Variants in TTL observed in about 807,000 individuals in gnomAD.
TTL encodes tubulin--tyrosine ligase.
In TTL, 10 loss-of-function variants were observed where a neutral mutation model predicts 41.1. The observed-to-expected ratio is 0.24, with a 90% CI of 0.15 to 0.41. The LOEUF is 0.41. Ranked by LOEUF, TTL falls within the 10% of genes least tolerant of loss-of-function variation. The pLI, the probability that TTL is intolerant of heterozygous loss-of-function variation, is 1.00. For synonymous variants in TTL, 175 were observed against 175.5 expected (o/e 1.00, Z 0.02); for missense variants, 367 against 460.4 (o/e 0.80, Z 1.86).
chr2:112,488,594 C>T (rs1268721199), intron 2 of TTL, among the ~76,000 whole-genome samples: 1 of 151,350 alleles, frequency 6.6e-6, no homozygotes. Flanking sequence ...CCCATGTCTA[C>T]TAAAAATACA....
At position 112,503,008 on chromosome 2, in the gene TTL, A is replaced by C; in HGVS notation, c.702A>C (p.Gln234His). The C allele has an allele frequency of 6.2e-7, 1 of 1,614,108 alleles. No homozygotes were observed. The highest frequency in any genetic ancestry group is 2.2e-5 in the East Asian group (1 of 44,872). The change falls in exon 5 of 7, where the codon CAA (glutamine) becomes CAC (histidine). Residue 234 changes from glutamine (Q) to histidine (H), a missense_variant. By Grantham distance (24) the Gln-to-His change is conservative. Coordinates refer to ENST00000233336, the MANE Select transcript of TTL (RefSeq NM_153712.5). Reference protein sequence around the residue: ...ASEPYHVDNFQDKTCHLTNHC... With the variant: ...ASEPYHVDNFHDKTCHLTNHC... ...AACCATATCATGTTGATAATTTCCA[A>C]GACAAAACCTGCCATTTGACCAATC... is the stretch of plus-strand genomic sequence containing the variant.
rs950509013 is a variant in TTL, at chr2:112,482,656, C to G, written c.157+155C>G. On this transcript the variant is annotated intron_variant, in intron 1 of 6. Transcript: ENST00000233336. This position sits in a 1 kb window ranked among gnomAD's most constrained non-coding sequence, Gnocchi z 5.3. ...AGAAACGGATTCGGAAAGATCGAAA[C>G]CTGTCGTTTTTAATGCTTTCTTGTC... Among the ~76,000 whole-genome samples the G allele has an allele frequency of 3.3e-5, 5 of 152,202 alleles. No homozygotes were observed. The highest frequency in any genetic ancestry group is 5.9e-5 in the Non-Finnish European group (4 of 68,028).
rs969552966 is a variant in TTL at position 112,535,301 on chromosome 2, A to G, written c.*6506A>G. 5 of 152,168 alleles carry G rather than the reference A, an allele frequency of 3.3e-5. No homozygotes were observed. The highest frequency in any genetic ancestry group is 3.3e-4 in the Admixed American group (5 of 15,278). The allele number at this position is 152,168 out of a possible 1,614,324, so 9.4% of individuals were successfully genotyped here. A position where few individuals can be genotyped will look rare whatever the true frequency, so the allele number is the denominator to read the frequency against. On this transcript the variant is annotated 3_prime_UTR_variant, in exon 7 of 7. Coordinates refer to ENST00000233336, the MANE Select transcript of TTL (RefSeq NM_153712.5). ...AAGAAAAATGATCAGTGCTTCAGAC[A>G]CCCGTCAGACACCATCAAACATACC...
At chr2:112,503,825 T>TTA (rs1382430532) in intron 5 of TTL, among the ~76,000 whole-genome samples, 1 of 118,852 alleles carries the variant, frequency 8.4e-6, no homozygotes, top group Non-Finnish European at 1.8e-5. Context: ...TTTTTTTTTT[T>TTA]ATTATACTCT....
intron 6 of TTL, among the ~76,000 whole-genome samples, chr2:112,526,985 G>A (rs1682389548): frequency 6.6e-6 from 1 of 152,146 alleles, no homozygotes; most frequent in South Asian, 2.1e-4. Flanking sequence ...CTGGTATGTT[G>A]TGGCTTTGTT....
intron 5 of TTL, among the ~76,000 whole-genome samples, chr2:112,514,930 T>A (rs1365849964): frequency 1.3e-5 from 2 of 152,202 alleles, no homozygotes; most frequent in African/African-American, 4.8e-5. Flanking sequence ...TCGTCTGACA[T>A]CTTTGTTTGC....
chr2:112,535,362 T>C lies in TTL; in HGVS notation c.*6567T>C, dbSNP rs1328810851. 1 of 151,048 alleles carries C rather than the reference T, an allele frequency of 6.6e-6. No individual in the cohort carries two copies. The highest frequency in any genetic ancestry group is 6.6e-5 in the Admixed American group (1 of 15,148). 9.4% of individuals were successfully genotyped at this position (151,048 alleles called of 1,614,324 possible). On this transcript the variant is annotated 3_prime_UTR_variant, in exon 7 of 7. Coordinates refer to ENST00000233336, the MANE Select transcript of TTL (RefSeq NM_153712.5). ...TAATAGGAGTCCTAGAATAGATAAGTGAGAGAGAGGGAAGGGGATAAAACA... is the reference window on the plus strand; with the variant it reads ...TAATAGGAGTCCTAGAATAGATAAGCGAGAGAGAGGGAAGGGGATAAAACA...
intron 5 of TTL, among the ~76,000 whole-genome samples, chr2:112,513,609 A>G (rs900032640): frequency 6.7e-6 from 1 of 148,958 alleles, no homozygotes; most frequent in African/African-American, 2.5e-5. Flanking sequence ...TTATACAAGT[A>G]TAAGTATAAA....
chr2:112,514,745 A>T (rs532473246), intron 5 of TTL, among the ~76,000 whole-genome samples: 1 of 152,298 alleles, frequency 6.6e-6, no homozygotes, highest in East Asian at 1.9e-4. Context: ...GTGGCTTGAT[A>T]TCTTTTACCA....
chr2:112,485,188 G>A (rs1681208609), intron 1 of TTL, among the ~76,000 whole-genome samples: 1 of 152,120 alleles, frequency 6.6e-6, no homozygotes, highest in African/African-American at 2.4e-5. Context: ...GATCTCAGGT[G>A]ACTTACCCAC....
At chr2:112,520,090 A>T (rs572581334) in intron 5 of TTL, among the ~76,000 whole-genome samples, 192 bp from the exon 6 acceptor site, 1 of 147,396 alleles carries the variant, frequency 6.8e-6, no homozygotes, top group East Asian at 2.0e-4. Flanking sequence ...AGATCATGCC[A>T]TTGCACTCCA....
rs1418464664 is a variant in TTL at position 112,521,218 on chromosome 2, G to A, written c.1019+793G>A. The A allele has an allele frequency of 3.0e-6, 3 of 985,262 alleles. No individual in the cohort carries two copies. In the East Asian group the frequency reaches 3.4e-4, roughly 112 times the overall value. 61.0% of individuals were successfully genotyped at this position (985,262 alleles called of 1,614,324 possible). Reference sequence around the variant, plus strand: ...GGGCTCTCACCCTGTCCCGGGCTCTGCAGGTCTGGGAGATGCCCAGAGGAA... The same window carrying A: ...GGGCTCTCACCCTGTCCCGGGCTCTACAGGTCTGGGAGATGCCCAGAGGAA... On this transcript the variant is annotated intron_variant, in intron 6 of 6. Transcript: ENST00000233336.
rs1408323768 is a variant in TTL, at chr2:112,529,104, C to G, written c.*309C>G. On this transcript the variant is annotated 3_prime_UTR_variant, in exon 7 of 7. Transcript: ENST00000233336. ...ACGGCAGGGCACTGGGACCTCTGGT[C>G]GGTGCCTCCCACCCACTGCAGCCCT... 2.3e-6 allele frequency: 1 copy of G among 442,394 alleles called. No homozygotes were observed. Among genetic ancestry groups the G allele is most frequent in the East Asian group, 3.8e-5 (1 of 26,116 alleles). 27.4% of individuals were successfully genotyped at this position (442,394 alleles called of 1,614,324 possible). A position where few individuals can be genotyped will look rare whatever the true frequency, so the allele number is the denominator to read the frequency against.
chr2:112,520,345 G>A lies in TTL; in HGVS notation c.939G>A (p.Gln313=), dbSNP rs1372232797. 3.1e-6 allele frequency: 5 copies of A among 1,614,162 alleles called. No homozygotes were observed. The East Asian group carries it at 1.1e-4, about 36-fold the overall frequency. Residue 313 remains glutamine (Q), a synonymous_variant, in exon 6 of 7, where the codon CAG becomes CAA. Transcript: ENST00000233336. Reference sequence around the variant, plus strand: ...AGCACCTCCCTTACCAGAGCTTCCAGCTCTTCGGCTTTGACTTCATGGTCG... The same window carrying A: ...AGCACCTCCCTTACCAGAGCTTCCAACTCTTCGGCTTTGACTTCATGGTCG... The part of the protein sequence containing the change: ...STKHLPYQSF[Q]LFGFDFMVDE...
At chr2:112,499,407 T>C (rs918374115) in intron 3 of TTL, among the ~76,000 whole-genome samples, 1 of 152,044 alleles carries the variant, frequency 6.6e-6, no homozygotes, top group African/African-American at 2.4e-5. Context: ...AGCCATTCAA[T>C]AGAGGAAGGA....
chr2:112,494,573 CA>C (rs1681476602), intron 3 of TTL, among the ~76,000 whole-genome samples, 198 bp downstream of exon 3: 1 of 152,164 alleles, frequency 6.6e-6, no homozygotes, highest in Non-Finnish European at 1.5e-5. Context: ...GCTCTAGATC[CA>C]TTGACACCCT....
At chr2:112,509,646 T>C (rs1281661818) in intron 5 of TTL, among the ~76,000 whole-genome samples, 1 of 152,164 alleles carries the variant, frequency 6.6e-6, no homozygotes, top group African/African-American at 2.4e-5. Flanking sequence ...GCTTCCCAGG[T>C]GAGGCAATGC....
At position 112,507,580 on chromosome 2, in the gene TTL, T is replaced by G. The variant is rs1462749036; in HGVS notation, c.875+4399T>G. Reference sequence around the variant, plus strand: ...CTTTACCATTATGTAATGGCCTTCTTTGTCTCTTTTGATCTTTGTTGATTT... The same window carrying G: ...CTTTACCATTATGTAATGGCCTTCTGTGTCTCTTTTGATCTTTGTTGATTT... On this transcript the variant is annotated intron_variant, in intron 5 of 6. Coordinates refer to ENST00000233336, the MANE Select transcript of TTL (RefSeq NM_153712.5). 7.6e-5 allele frequency among the ~76,000 whole-genome samples: 9 copies of G among 118,450 alleles called. No individual in the cohort carries two copies. In the East Asian group the frequency reaches 2.9e-3, roughly 38 times the overall value. 77.7% of individuals were successfully genotyped at this position (118,450 alleles called of 152,430 possible).
In TTL at chr2:112,501,348, C is replaced by G; in HGVS notation, c.605+7C>G. On this transcript the variant is annotated splice_region_variant and intron_variant, in intron 4 of 6. Transcript: ENST00000233336. ...ATCGCAAGTTTGACATCCGGTAATG[C>G]ATTCATGTCCATAGCTTTTGTTTTT... The G allele has an allele frequency of 6.5e-7, 1 of 1,550,016 alleles. No individual in the cohort carries two copies. The highest frequency in any genetic ancestry group is 1.1e-5 in the South Asian group (1 of 87,830).
Sources: gnomAD v4.1 joint callset for allele counts (sites outside exome capture counted in the v4.1 genomes callset) on GRCh38, gnomAD v4.1.1 for gene constraint, Gnocchi (gnomAD v3.1) non-coding constraint, MANE v1.5 for transcripts, NCBI Gene and HGNC (gene_info 2026-07-23, HGNC 2026-07-21) for gene names.